The following GHR variants were observed in gnomAD, a reference collection of about 807,000 sequenced individuals.
GHR encodes the protein growth hormone receptor.
GHR carries 35 observed loss-of-function variants against 67.1 expected under a neutral mutation model. The ratio of observed to expected loss-of-function variants is 0.52; its 90% CI spans 0.40 to 0.69. The LOEUF (loss-of-function observed/expected upper bound fraction) is 0.69. Ranked by LOEUF, GHR falls within the 30% of genes least tolerant of loss-of-function variation. The pLI, the probability that GHR is intolerant of heterozygous loss-of-function variation, is 0.00. For synonymous variants in GHR, 272 were observed against 269.1 expected (o/e 1.01, Z -0.10); for missense variants, 792 against 764.6 (o/e 1.04, Z -0.42).
intron 2 of GHR, among the ~76,000 whole-genome samples, chr5:42,596,719 G>C (rs1380202249): frequency 6.6e-6 from 1 of 152,132 alleles, no homozygotes; most frequent in Non-Finnish European, 1.5e-5. Context: ...GAGGTCCAAG[G>C]CTTCAGGTTG....
At chr5:42,523,573 C>T (rs1165350198) in intron 1 of GHR, among the ~76,000 whole-genome samples, 1 of 152,124 alleles carries the variant, frequency 6.6e-6, no homozygotes, top group Non-Finnish European at 1.5e-5. Context: ...AACTTAATCA[C>T]TAAATGTTGT....
At chr5:42,614,077 G>C (rs1753018778) in intron 2 of GHR, among the ~76,000 whole-genome samples, 1 of 152,060 alleles carries the variant, frequency 6.6e-6, no homozygotes, top group African/African-American at 2.4e-5. Context: ...CTATAGCTTA[G>C]TAATCCCAGC....
chr5:42,563,572 T>C (rs1013038304), intron 1 of GHR, among the ~76,000 whole-genome samples: 1 of 137,674 alleles, frequency 7.3e-6, no homozygotes, highest in African/African-American at 2.8e-5. Flanking sequence ...GAGCCGAGAT[T>C]GCGCCACTGC....
intron 3 of GHR, among the ~76,000 whole-genome samples, chr5:42,672,381 A>C (rs536238475): frequency 6.6e-6 from 1 of 152,314 alleles, no homozygotes; most frequent in Admixed American, 6.5e-5. Context: ...CCAAGAATGT[A>C]ATCCCATTTA....
chr5:42,479,053 T>C (rs891908327), intron 1 of GHR, among the ~76,000 whole-genome samples: 1 of 152,198 alleles, frequency 6.6e-6, no homozygotes, highest in African/African-American at 2.4e-5. Flanking sequence ...TTTTGAGATA[T>C]GTCCCATCAT....
intron 6 of GHR, among the ~76,000 whole-genome samples, chr5:42,706,559 T>C (rs1048191655): frequency 6.6e-6 from 1 of 152,194 alleles, no homozygotes; most frequent in Non-Finnish European, 1.5e-5. Context: ...CTTGAGTTGA[T>C]AGTCGTACAT....
intron 2 of GHR, among the ~76,000 whole-genome samples, chr5:42,617,385 TAC>T (rs10581858): frequency 0.15 from 22,688 of 148,804 alleles, 1,812 homozygotes; most frequent in Non-Finnish European, 0.17. Context: ...AAGTTCATTT[TAC>T]ACACACACAC....
chr5:42,611,957 A>G (rs1383899005), intron 2 of GHR, among the ~76,000 whole-genome samples: 1 of 152,194 alleles, frequency 6.6e-6, no homozygotes, highest in Non-Finnish European at 1.5e-5. Flanking sequence ...GTTTGTCTCC[A>G]ATCAGACTAT....
At chr5:42,699,680 A>G in intron 5 of GHR, 144 bp from the exon 6 acceptor site, 1 of 682,032 alleles carries the variant, frequency 1.5e-6, no homozygotes, top group East Asian at 2.7e-5. Context: ...TATAAAGTGA[A>G]AGTTATAATA....
intron 1 of GHR, among the ~76,000 whole-genome samples, chr5:42,560,538 T>C (rs1749549834): frequency 6.6e-6 from 1 of 152,130 alleles, no homozygotes; most frequent in Admixed American, 6.5e-5. Flanking sequence ...TGGAGACTTG[T>C]CACCAAATAG....
intron 1 of GHR, chr5:42,465,888 C>A: frequency 1.4e-6 from 1 of 718,022 alleles, no homozygotes; most frequent in Admixed American, 2.0e-5. Flanking sequence ...CCCCTTTCAT[C>A]AAGTGGCTTT....
chr5:42,467,815 C>T (rs1744803606), intron 1 of GHR: 3 of 1,369,282 alleles, frequency 2.2e-6, no homozygotes, highest in Non-Finnish European at 3.0e-6. Flanking sequence ...AAGACTTTCG[C>T]CCAAGCTGGG....
rs1742750640 is a variant in GHR, at chr5:42,424,415, T to C, written c.-12+460T>C. 1.6e-6 allele frequency: 1 copy of C among 612,564 alleles called. No individual in the cohort carries two copies. The highest frequency in any genetic ancestry group is 2.9e-6 in the Non-Finnish European group (1 of 342,002). 37.9% of individuals were successfully genotyped at this position (612,564 alleles called of 1,614,324 possible). A position where few individuals can be genotyped will look rare whatever the true frequency, so the allele number is the denominator to read the frequency against. ...CTGCGGCAGGAACTGCCGAGGCTGC[T>C]GCTGTTGCGCGGGGAAGAATCCCCG... is the stretch of plus-strand genomic sequence containing the variant. On this transcript the variant is annotated intron_variant, in intron 1 of 9. Transcript: ENST00000230882. The surrounding 1 kb of genome is among the most constrained non-coding windows in gnomAD (Gnocchi z 4.1).
rs148930366 is a variant in GHR at position 42,613,766 on chromosome 5, G to C, written c.71-15272G>C. On this transcript the variant is annotated intron_variant, in intron 2 of 9. Coordinates refer to ENST00000230882, the MANE Select transcript of GHR (RefSeq NM_000163.5). The stretch of plus-strand genomic sequence containing the variant: ...TTCTTCTCTAATTAATCTCCACTGG[G>C]TATGGGGAATAGGGAACAACTGGGG... 2.0e-3 allele frequency among the ~76,000 whole-genome samples: 306 copies of C among 152,144 alleles called. 1 individual carries two copies. The highest frequency in any genetic ancestry group is 0.014 in the Middle Eastern group (4 of 294).
At chr5:42,647,555 C>G (rs947004321) in intron 3 of GHR, 1 of 352,302 alleles carries the variant, frequency 2.8e-6, no homozygotes, top group Admixed American at 3.9e-5. Context: ...GCCTGGGCGA[C>G]AGAGCAAGAC....
At chr5:42,670,657 A>T (rs180842453) in intron 3 of GHR, among the ~76,000 whole-genome samples, 1 of 152,064 alleles carries the variant, frequency 6.6e-6, no homozygotes, top group Non-Finnish European at 1.5e-5. Flanking sequence ...GGTACAAGGA[A>T]ATCAAACTAC....
At chr5:42,639,027 C>T (rs761805310) in intron 3 of GHR, among the ~76,000 whole-genome samples, 2 of 152,058 alleles carry the variant, frequency 1.3e-5, no homozygotes, top group South Asian at 2.1e-4. Context: ...TTCAATGTAT[C>T]GGCTAATCAA....
At chr5:42,587,038 CT>C (rs1315975122) in intron 2 of GHR, among the ~76,000 whole-genome samples, 1 of 145,950 alleles carries the variant, frequency 6.9e-6, no homozygotes, top group African/African-American at 2.5e-5. Flanking sequence ...AAAAAAAAAA[CT>C]CACTGAATAA....
chr5:42,472,273 G>C (rs1052731843), intron 1 of GHR, among the ~76,000 whole-genome samples: 1 of 152,156 alleles, frequency 6.6e-6, no homozygotes, highest in Admixed American at 6.5e-5. Context: ...ATGTTCTCAT[G>C]TTCTGGTTTT....
Sources: allele counts gnomAD v4.1 joint callset (sites outside exome capture counted in the v4.1 genomes callset), GRCh38; gene constraint gnomAD v4.1.1; non-coding constraint Gnocchi (gnomAD v3.1); transcripts MANE v1.5; gene names NCBI Gene and HGNC (gene_info 2026-07-23, HGNC 2026-07-21).